TIMM23B: variants seen among roughly 807,000 people sequenced by gnomAD.
The protein encoded by TIMM23B is mitochondrial import inner membrane translocase subunit Tim23B.
A neutral mutation model predicts 27.3 loss-of-function variants in TIMM23B; 27 were observed. The ratio of observed to expected loss-of-function variants is 0.99; its 90% CI spans 0.73 to 1.36. The LOEUF (loss-of-function observed/expected upper bound fraction) is 1.36, where lower values mean the gene tolerates loss of function less well. Ranked by LOEUF, TIMM23B falls within the 40% of genes most tolerant of loss-of-function variation. The pLI, the probability that TIMM23B is intolerant of heterozygous loss-of-function variation, is 0.00. For synonymous variants in TIMM23B, 73 were observed against 92.4 expected (o/e 0.79, Z 1.21); for missense variants, 205 against 244.2 (o/e 0.84, Z 1.07).
chr10:49,951,573 A>G (rs1340550854), intron 2 of TIMM23B, among the ~76,000 whole-genome samples: 1 of 152,092 alleles, frequency 6.6e-6, no homozygotes, highest in East Asian at 1.9e-4. Context: ...TTGTGTATGC[A>G]ATTACTAGAA....
At chr10:49,965,325 A>T (rs1840091222) in intron 6 of TIMM23B, among the ~76,000 whole-genome samples, 1 of 150,340 alleles carries the variant, frequency 6.7e-6, no homozygotes, top group Non-Finnish European at 1.5e-5. Flanking sequence ...TCATGAAATG[A>T]AATGGGAAAT....
chr10:49,958,419 A>C lies in TIMM23B; in HGVS notation c.453A>C (p.Ala151=), dbSNP rs1230645526. Reference sequence around the variant, plus strand: ...TCATCATTGAGAAAACACGAGGTGCAGAAGATGACCTTAACACAGTAGCAG... The same window carrying C: ...TCATCATTGAGAAAACACGAGGTGCCGAAGATGACCTTAACACAGTAGCAG... ...FGVIIEKTRG[A]EDDLNTVAAG... Residue 151 remains alanine, a synonymous_variant, in exon 6 of 7, where the codon GCA becomes GCC. Transcript: ENST00000651259. 3.1e-6 allele frequency: 5 copies of C among 1,613,930 alleles called. No homozygotes were observed. The highest frequency in any genetic ancestry group is 4.5e-5 in the East Asian group (2 of 44,870).
chr10:49,964,455 AAATGAAATGATGAAATGAAAT>A (rs1840043842), intron 6 of TIMM23B, among the ~76,000 whole-genome samples: 1 of 147,810 alleles, frequency 6.8e-6, no homozygotes, highest in Non-Finnish European at 1.5e-5. Context: ...TGAAATGATC[AAATGAAATGATGAAATGAAAT>A]AATGAAATGA....
At chr10:49,957,351 A>G (rs1839758918) in intron 5 of TIMM23B, among the ~76,000 whole-genome samples, 1 of 151,462 alleles carries the variant, frequency 6.6e-6, no homozygotes, top group African/African-American at 2.4e-5. Context: ...GGCTTAAGCA[A>G]GCCTCCCACC....
chr10:49,961,370 T>G (rs1839894199), intron 6 of TIMM23B, among the ~76,000 whole-genome samples: 2 of 119,832 alleles, frequency 1.7e-5, no homozygotes, highest in African/African-American at 3.3e-5. Flanking sequence ...GCAATAAGAG[T>G]GAAACTCTGT....
At chr10:49,954,594 C>T (rs1222988375) in intron 4 of TIMM23B, among the ~76,000 whole-genome samples, 5 of 151,946 alleles carry the variant, frequency 3.3e-5, no homozygotes, top group Admixed American at 6.6e-5. Context: ...GAAGCTAGCT[C>T]GCCATAGTTA....
chr10:49,950,479 A>G (rs1370662958), intron 2 of TIMM23B, among the ~76,000 whole-genome samples: 2 of 149,012 alleles, frequency 1.3e-5, no homozygotes, highest in Non-Finnish European at 3.0e-5. Context: ...AGTTGGTGCT[A>G]ACGTGCACTT....
In TIMM23B at chr10:49,958,429, C is replaced by G; in HGVS notation, c.463C>G (p.Leu155Val). ...IEKTRGAEDD[L>V]NTVAAGTMTG... ...GAAAACACGAGGTGCAGAAGATGAC[C>G]TTAACACAGTAGCAGCTGGAACCAT... The change falls in exon 6 of 7, where the codon CTT becomes GTT. Residue 155 changes from leucine to valine, a missense_variant. Transcript: ENST00000651259. The G allele has an allele frequency of 4.3e-6, 7 of 1,613,828 alleles. No homozygotes were observed. Among genetic ancestry groups the G allele is most frequent in the Non-Finnish European group, 5.9e-6 (7 of 1,179,802 alleles).
At chr10:49,969,745 G>GCTCTCC (rs1443581392) in intron 6 of TIMM23B, among the ~76,000 whole-genome samples, 3 of 151,422 alleles carry the variant, frequency 2.0e-5, no homozygotes, top group African/African-American at 7.3e-5. Context: ...GAAAATTCTG[G>GCTCTCC]CTCTCCCTCT....
At chr10:49,947,607 C>CT (rs1839394523) in intron 2 of TIMM23B, among the ~76,000 whole-genome samples, 1 of 149,198 alleles carries the variant, frequency 6.7e-6, no homozygotes, top group Non-Finnish European at 1.5e-5. Flanking sequence ...AAGACTCGGT[C>CT]TCAAAAATAA....
intron 2 of TIMM23B, 119 bp downstream of exon 2, chr10:49,945,209 A>G (rs1839318525): frequency 3.3e-6 from 3 of 907,440 alleles, no homozygotes; most frequent in Admixed American, 5.0e-5. Flanking sequence ...TCTGGTCTCC[A>G]TTCACCCTTT....
intron 6 of TIMM23B, among the ~76,000 whole-genome samples, chr10:49,964,298 G>A (rs1409729044): frequency 3.9e-5 from 6 of 151,916 alleles, no homozygotes; most frequent in Admixed American, 6.6e-5. Flanking sequence ...AATAGAGCGC[G>A]TCTCCGTCTT....
chr10:49,945,368 GT>G (rs1240573319), intron 2 of TIMM23B, among the ~76,000 whole-genome samples: 4 of 151,928 alleles, frequency 2.6e-5, no homozygotes, highest in Non-Finnish European at 5.9e-5. Flanking sequence ...AGTGTGTGGG[GT>G]TTTTTTGTTT....
intron 2 of TIMM23B, 27 bp downstream of exon 2, chr10:49,945,117 T>G: frequency 1.2e-6 from 2 of 1,610,610 alleles, no homozygotes; most frequent in Non-Finnish European, 1.7e-6. Flanking sequence ...ACTAGTTTGG[T>G]GCATTATTTT....
chr10:49,952,019 T>G (rs1839549538), intron 2 of TIMM23B, 107 bp from the exon 3 acceptor site: 1 of 789,670 alleles, frequency 1.3e-6, no homozygotes, highest in Non-Finnish European at 2.1e-6. Context: ...TTGAGTTAAT[T>G]TAAGGTTTAT....
chr10:49,964,891 A>G (rs1840069759), intron 6 of TIMM23B, among the ~76,000 whole-genome samples: 1 of 151,836 alleles, frequency 6.6e-6, no homozygotes, highest in South Asian at 2.1e-4. Flanking sequence ...TTTTGAAATG[A>G]AATGAAGGAG....
intron 6 of TIMM23B, among the ~76,000 whole-genome samples, chr10:49,972,106 A>G (rs1418311166): frequency 1.3e-5 from 2 of 152,254 alleles, no homozygotes; most frequent in Admixed American, 6.5e-5. Context: ...CATATGTAAT[A>G]TAGTATTTTA....
chr10:49,957,335 C>T (rs1370898923), intron 5 of TIMM23B, among the ~76,000 whole-genome samples: 14 of 149,786 alleles, frequency 9.3e-5, no homozygotes, highest in Non-Finnish European at 2.1e-4. Flanking sequence ...GCAACCTAGA[C>T]TTCTGGGCTT....
At chr10:49,945,137 A>G in intron 2 of TIMM23B, 47 bp downstream of exon 2, 2 of 1,601,436 alleles carry the variant, frequency 1.2e-6, no homozygotes, top group Admixed American at 3.4e-5. Flanking sequence ...TACCATTTTT[A>G]AAAAAACGCC....
Sources: allele counts gnomAD v4.1 joint callset (sites outside exome capture counted in the v4.1 genomes callset), GRCh38; gene constraint gnomAD v4.1.1; transcripts MANE v1.5; gene names NCBI Gene and HGNC (gene_info 2026-07-23, HGNC 2026-07-21).